RB1: variants seen among roughly 807,000 people sequenced by gnomAD.
RB1 encodes RB transcriptional corepressor 1.
Under a neutral mutation model 135.4 loss-of-function variants are expected in RB1, and 18 were observed. That is an observed-to-expected ratio of 0.13 (90% CI 0.09 to 0.20). The LOEUF is 0.20. Ranked by LOEUF, RB1 falls within the 10% of genes least tolerant of loss-of-function variation. The probability of loss-of-function intolerance (pLI) is 1.00; values close to 1 mark genes in which losing one functional copy is unlikely to be tolerated. For missense variants in RB1, 868 were observed against 1,110.0 expected (o/e 0.78, Z 3.10); for synonymous variants, 365 against 373.2 (o/e 0.98, Z 0.25).
chr13:48,465,565 C>G (rs971416935), intron 23 of RB1, among the ~76,000 whole-genome samples, 197 bp downstream of exon 23: 2 of 152,068 alleles, frequency 1.3e-5, no homozygotes, highest in East Asian at 3.9e-4. Flanking sequence ...GCAAGATGGC[C>G]GAATAGGAAC....
At chr13:48,461,058 C>T (rs1566236300) in intron 20 of RB1, among the ~76,000 whole-genome samples, 1 of 152,130 alleles carries the variant, frequency 6.6e-6, no homozygotes, top group African/African-American at 2.4e-5. Context: ...TTAAAATGTA[C>T]AATTCAGTGG....
At chr13:48,415,318 C>T (rs1220769201) in intron 17 of RB1, among the ~76,000 whole-genome samples, 1 of 151,038 alleles carries the variant, frequency 6.6e-6, no homozygotes, top group Non-Finnish European at 1.5e-5. Flanking sequence ...CTCACTCTGC[C>T]GCCCAGGCTG....
At chr13:48,333,289 C>T (rs949128607) in intron 2 of RB1, 13 of 374,570 alleles carry the variant, frequency 3.5e-5, no homozygotes, top group Non-Finnish European at 5.2e-5. Context: ...TATTGTTAAT[C>T]CATATAATTG....
At chr13:48,404,370 C>G (rs1433935278) in intron 17 of RB1, 2 of 151,890 alleles carry the variant, frequency 1.3e-5, no homozygotes, top group African/African-American at 4.8e-5. Flanking sequence ...TCAGGTACCT[C>G]AGTTCAATAT....
In RB1 at chr13:48,480,473, AT is replaced by A. The variant is rs948087111; in HGVS notation, c.*409del. The A allele has an allele frequency of 1.7e-5, 4 of 235,522 alleles. No homozygotes were observed. Among genetic ancestry groups the A allele is most frequent in the Non-Finnish European group, 3.4e-5 (4 of 119,332 alleles). The allele number at this position is 235,522 out of a possible 1,614,324, so 14.6% of individuals were successfully genotyped here. On this transcript the variant is annotated 3_prime_UTR_variant, in exon 27 of 27. Transcript: ENST00000267163. ...CTTGTTTTTATTAATTTATATGTATATTTTTTTAATTTAACATGAACACCCT... is the reference window on the plus strand; with the variant it reads ...CTTGTTTTTATTAATTTATATGTATATTTTTTAATTTAACATGAACACCCT...
chr13:48,403,023 T>C (rs892900583), intron 17 of RB1, among the ~76,000 whole-genome samples: 4 of 152,116 alleles, frequency 2.6e-5, no homozygotes, highest in Non-Finnish European at 5.9e-5. Context: ...TCATAGGTTT[T>C]ATGTCCTATT....
intron 2 of RB1, chr13:48,317,485 C>T (rs1260196805): frequency 4.5e-6 from 2 of 444,050 alleles, no homozygotes; most frequent in East Asian, 5.3e-5. Context: ...GAAGCCCCGG[C>T]TCCCGCAGCC....
At chr13:48,353,709 A>C (rs542731559) in intron 6 of RB1, among the ~76,000 whole-genome samples, 3 of 152,220 alleles carry the variant, frequency 2.0e-5, no homozygotes, top group Admixed American at 2.0e-4. Context: ...ACACTAGCAA[A>C]CTGAATTCAA....
At chr13:48,318,012 C>A in intron 2 of RB1, 1 of 496,044 alleles carries the variant, frequency 2.0e-6, no homozygotes, top group South Asian at 1.8e-5. Flanking sequence ...GAACTCCTGT[C>A]GTCAGACAGG....
intron 2 of RB1, among the ~76,000 whole-genome samples, chr13:48,326,335 T>G (rs1952287156): frequency 6.6e-6 from 1 of 152,132 alleles, no homozygotes; most frequent in Admixed American, 6.5e-5. Context: ...TACCCACTTA[T>G]TTTGGATTTT....
intron 17 of RB1, 132 bp downstream of exon 17, chr13:48,381,575 A>G (rs572821629): frequency 1.8e-4 from 159 of 908,382 alleles, no homozygotes; most frequent in Non-Finnish European, 2.2e-4. Flanking sequence ...ATTTCAGTCT[A>G]TAGCCCAAGG....
At chr13:48,389,710 C>A (rs1276008413) in intron 17 of RB1, 4 of 152,296 alleles carry the variant, frequency 2.6e-5, no homozygotes, top group African/African-American at 4.8e-5. Flanking sequence ...TGCTTCTTCA[C>A]TCACAGGTCT....
At position 48,402,379 on chromosome 13, in the gene RB1, C is replaced by CTTTTCTTTTT. The variant is rs1555288403; in HGVS notation, c.1695+20940_1695+20941insCTTTTTTTTT. On this transcript the variant is annotated intron_variant, in intron 17 of 26. Coordinates refer to ENST00000267163, the MANE Select transcript of RB1 (RefSeq NM_000321.3). Reference sequence around the variant, plus strand: ...GGTAAAGAAATCCCTTGTAGAAAACCTTTTTTTTTTTTTAAACAGATGAGT... The same window carrying CTTTTCTTTTT: ...GGTAAAGAAATCCCTTGTAGAAAACCTTTTCTTTTTTTTTTTTTTTTTTAAACAGATGAGT... Among the ~76,000 whole-genome samples the CTTTTCTTTTT allele has an allele frequency of 3.2e-3, 399 of 125,742 alleles. 12 individuals are homozygous for CTTTTCTTTTT. Among genetic ancestry groups the CTTTTCTTTTT allele is most frequent in the Non-Finnish European group, 5.3e-3 (323 of 61,282 alleles). The allele number at this position is 125,742 out of a possible 152,430, so 82.5% of individuals were successfully genotyped here.
chr13:48,364,122 A>T (rs542758644), intron 8 of RB1, among the ~76,000 whole-genome samples: 4 of 152,332 alleles, frequency 2.6e-5, no homozygotes, highest in African/African-American at 7.2e-5. Flanking sequence ...TTGACTCTTG[A>T]ACAACAGGTT....
chr13:48,447,516 CATA>C (rs1949296893), intron 17 of RB1, among the ~76,000 whole-genome samples: 1 of 152,108 alleles, frequency 6.6e-6, no homozygotes, highest in African/African-American at 2.4e-5. Context: ...TAATCACAAC[CATA>C]ATAATATCAA....
chr13:48,406,201 A>ATG (rs146588176), intron 17 of RB1, among the ~76,000 whole-genome samples: 1 of 151,860 alleles, frequency 6.6e-6, no homozygotes, highest in Non-Finnish European at 1.5e-5. Flanking sequence ...CAAAGGGTTA[A>ATG]TGTGTGTGTG....
chr13:48,337,318 C>T (rs1339899409), intron 2 of RB1, among the ~76,000 whole-genome samples: 1 of 152,130 alleles, frequency 6.6e-6, no homozygotes, highest in Non-Finnish European at 1.5e-5. Flanking sequence ...GAGTCTAAGT[C>T]TCTTTGTAGG....
At position 48,478,048 on chromosome 13, in the gene RB1, G is replaced by C. The variant is rs189406909; in HGVS notation, c.2713+644G>C. The stretch of plus-strand genomic sequence containing the variant: ...GATAAATGTTCACTAACTACTATTG[G>C]GTTGTCTTAGGTAGTTATGGTAGTG... On this transcript the variant is annotated intron_variant, in intron 26 of 26. Coordinates refer to ENST00000267163, the MANE Select transcript of RB1 (RefSeq NM_000321.3). 6.0e-4 allele frequency among the ~76,000 whole-genome samples: 91 copies of C among 152,246 alleles called. 1 individual carries two copies. The highest frequency in any genetic ancestry group is 2.2e-3 in the African/African-American group (91 of 41,556).
chr13:48,429,700 T>G (rs528160397), intron 17 of RB1: 2 of 152,196 alleles, frequency 1.3e-5, no homozygotes, highest in Non-Finnish European at 2.9e-5. Context: ...TATTTTAAAA[T>G]GATTTCCTGC....
Sources: allele counts gnomAD v4.1 joint callset (sites outside exome capture counted in the v4.1 genomes callset), GRCh38; gene constraint gnomAD v4.1.1; transcripts MANE v1.5; gene names NCBI Gene and HGNC (gene_info 2026-07-23, HGNC 2026-07-21).